The following CDH12 variants were observed in gnomAD, a reference collection of about 807,000 sequenced individuals.
CDH12 encodes the protein cadherin-12.
A neutral mutation model predicts 74.1 loss-of-function variants in CDH12; 41 were observed. The observed-to-expected ratio is 0.55, with a 90% CI of 0.43 to 0.72. CDH12 has a LOEUF of 0.72. Ranked by LOEUF, CDH12 falls within the 30% of genes least tolerant of loss-of-function variation. CDH12 has a pLI of 0.00. For missense variants in CDH12, 945 were observed against 977.2 expected, an observed-to-expected ratio of 0.97 and a Z score of 0.44; for synonymous variants, 399 against 355.0, an observed-to-expected ratio of 1.12 and a Z score of -1.39.
intron 2 of CDH12, among the ~76,000 whole-genome samples, chr5:22,443,796 G>C (rs892570131): frequency 7.2e-5 from 11 of 151,938 alleles, no homozygotes; most frequent in African/African-American, 1.4e-4. Flanking sequence ...GGTTCTAAAG[G>C]CTTTTTGGTT....
intron 1 of CDH12, among the ~76,000 whole-genome samples, chr5:22,811,738 G>A (rs1359603264): frequency 3.3e-5 from 5 of 152,162 alleles, no homozygotes; most frequent in Admixed American, 3.3e-4. Flanking sequence ...AAGCAGGATT[G>A]TGTAAACTTT....
intron 1 of CDH12, among the ~76,000 whole-genome samples, chr5:22,714,732 G>C (rs964811269): frequency 6.6e-6 from 1 of 152,114 alleles, no homozygotes; most frequent in Non-Finnish European, 1.5e-5. Flanking sequence ...AAAATTAGAC[G>C]TTCTGCAGTA....
intron 1 of CDH12, among the ~76,000 whole-genome samples, chr5:22,612,854 A>G (rs550512012): frequency 1.3e-3 from 205 of 152,236 alleles, no homozygotes; most frequent in Non-Finnish European, 2.2e-3. Flanking sequence ...CAACCCTAAC[A>G]TAGTTCCTAA....
chr5:21,910,138 G>T (rs923985499), intron 6 of CDH12, among the ~76,000 whole-genome samples: 2 of 152,056 alleles, frequency 1.3e-5, no homozygotes, highest in Admixed American at 1.3e-4. Flanking sequence ...TAAATGAGTT[G>T]CCATGTGGAA....
chr5:22,321,486 G>T (rs1166366848), intron 3 of CDH12, among the ~76,000 whole-genome samples: 1 of 126,138 alleles, frequency 7.9e-6, no homozygotes. Context: ...ACACTCTGGG[G>T]ACTGTTGTGG....
chr5:22,421,779 G>C (rs1400470328), intron 2 of CDH12, among the ~76,000 whole-genome samples: 1 of 152,120 alleles, frequency 6.6e-6, no homozygotes, highest in African/African-American at 2.4e-5. Flanking sequence ...TTCCACAATG[G>C]TTGAACTAGT....
In CDH12 at chr5:22,505,461, T is replaced by C. The variant is rs1417578972; in HGVS notation, c.-522-97A>G. 1.3e-5 allele frequency: 4 copies of C among 300,172 alleles called. No homozygotes were observed. The East Asian group carries it at 6.9e-4, about 52-fold the overall frequency. 18.6% of individuals were successfully genotyped at this position (300,172 alleles called of 1,614,324 possible). A position where few individuals can be genotyped will look rare whatever the true frequency, so the allele number is the denominator to read the frequency against. On this transcript the variant is annotated intron_variant, in intron 1 of 14. Transcript: ENST00000382254. ...TACATTTTCTTAAAAGTTGCAAAGA[T>C]GGTATAGAGAGTTCCTGTATACCTC...
chr5:22,249,013 G>A (rs961940962), intron 3 of CDH12, among the ~76,000 whole-genome samples: 3 of 151,850 alleles, frequency 2.0e-5, no homozygotes, highest in African/African-American at 7.3e-5. Context: ...TGTAAATACA[G>A]TATAAAATAA....
intron 3 of CDH12, among the ~76,000 whole-genome samples, chr5:22,400,667 T>C (rs1742692287): frequency 6.6e-6 from 1 of 152,124 alleles, no homozygotes; most frequent in South Asian, 2.1e-4. Flanking sequence ...TTATTTGATA[T>C]CATTAGATCA....
At chr5:22,288,965 G>A (rs1000925284) in intron 3 of CDH12, among the ~76,000 whole-genome samples, 1 of 152,108 alleles carries the variant, frequency 6.6e-6, no homozygotes, top group Non-Finnish European at 1.5e-5. Context: ...GATTGCTTGA[G>A]CACAGAAGTT....
intron 1 of CDH12, among the ~76,000 whole-genome samples, chr5:22,801,679 A>G (rs1312760920): frequency 1.1e-5 from 1 of 91,540 alleles, no homozygotes; most frequent in African/African-American, 5.6e-5. Context: ...ATATATATAT[A>G]TATATACACT....
chr5:22,540,178 G>A (rs1330473631), intron 1 of CDH12, among the ~76,000 whole-genome samples: 2 of 151,870 alleles, frequency 1.3e-5, no homozygotes, highest in Non-Finnish European at 2.9e-5. Flanking sequence ...ACAAAATTGA[G>A]GGATAAATAT....
intron 1 of CDH12, among the ~76,000 whole-genome samples, chr5:22,608,948 A>T (rs1004642548): frequency 6.6e-6 from 1 of 152,170 alleles, no homozygotes; most frequent in Admixed American, 6.5e-5. Context: ...GTGTGAGGAC[A>T]GACTAATACA....
At chr5:22,696,066 T>A (rs180829971) in intron 1 of CDH12, among the ~76,000 whole-genome samples, 30 of 152,248 alleles carry the variant, frequency 2.0e-4, no homozygotes, top group African/African-American at 6.3e-4. Flanking sequence ...TTAGTGTCCA[T>A]CCTTAAAAAC....
intron 4 of CDH12, among the ~76,000 whole-genome samples, chr5:22,176,780 C>T (rs1181792931): frequency 1.3e-5 from 2 of 152,128 alleles, no homozygotes; most frequent in African/African-American, 4.8e-5. Flanking sequence ...CTGCTAGGAG[C>T]ATATCCAAAC....
rs984135024 is a variant in CDH12, at chr5:22,570,520, GA to G, written c.-522-65157del. 2.6e-3 allele frequency among the ~76,000 whole-genome samples: 381 copies of G among 147,642 alleles called. 1 individual carries two copies. Among genetic ancestry groups the G allele is most frequent in the Middle Eastern group, 0.014 (4 of 286 alleles). On this transcript the variant is annotated intron_variant, in intron 1 of 14. Transcript: ENST00000382254. ...CAATGTCTATGAGCAGTAATATTTT[GA>G]AAAAAAAAATAACATTTATAGATAG...
chr5:22,393,411 A>T lies in CDH12; in HGVS notation c.-333+11846T>A, dbSNP rs573728894. ...TTCGATTTAAGACTTCCAGCCTCTAACATTGTGAGAGAATATATTTATCTT... is the reference window on the plus strand; with the variant it reads ...TTCGATTTAAGACTTCCAGCCTCTATCATTGTGAGAGAATATATTTATCTT... On this transcript the variant is annotated intron_variant, in intron 3 of 14. Coordinates refer to ENST00000382254, the MANE Select transcript of CDH12 (RefSeq NM_004061.5). 2.8e-4 allele frequency among the ~76,000 whole-genome samples: 42 copies of T among 152,254 alleles called. No individual in the cohort carries two copies. The South Asian group carries it at 8.3e-3, about 30-fold the overall frequency.
At chr5:22,689,548 G>A (rs974856261) in intron 1 of CDH12, among the ~76,000 whole-genome samples, 4 of 151,924 alleles carry the variant, frequency 2.6e-5, no homozygotes, top group African/African-American at 9.7e-5. Flanking sequence ...ACATAACTAG[G>A]AAGTTGACCC....
At chr5:22,284,746 G>T (rs1006952007) in intron 3 of CDH12, among the ~76,000 whole-genome samples, 2 of 152,002 alleles carry the variant, frequency 1.3e-5, no homozygotes, top group African/African-American at 2.4e-5. Context: ...AGAAAGTGGG[G>T]ATTATTGAGA....
Sources: gnomAD v4.1 joint callset for allele counts (sites outside exome capture counted in the v4.1 genomes callset) on GRCh38, gnomAD v4.1.1 for gene constraint, MANE v1.5 for transcripts, NCBI Gene and HGNC (gene_info 2026-07-23, HGNC 2026-07-21) for gene names.